DCAF5: variants seen among roughly 807,000 people sequenced by gnomAD.
DCAF5 encodes DDB1- and CUL4-associated factor 5.
DCAF5 carries 9 observed loss-of-function variants against 80.7 expected under a neutral mutation model. The ratio of observed to expected loss-of-function variants is 0.11; its 90% CI spans 0.07 to 0.19. The LOEUF is 0.19. Ranked by LOEUF, DCAF5 falls within the 10% of genes least tolerant of loss-of-function variation. The pLI is 1.00. For synonymous variants in DCAF5, 433 were observed against 461.9 expected, an observed-to-expected ratio of 0.94 and a Z score of 0.80; for missense variants, 842 against 1,205.7, an observed-to-expected ratio of 0.70 and a Z score of 4.47.
chr14:69,131,066 A>G (rs986845970), intron 1 of DCAF5, among the ~76,000 whole-genome samples: 1 of 152,220 alleles, frequency 6.6e-6, no homozygotes, highest in African/African-American at 2.4e-5. Context: ...AGTATCATCC[A>G]TGAACTTGTC....
intron 7 of DCAF5, among the ~76,000 whole-genome samples, chr14:69,068,324 A>G (rs2038543286): frequency 2.6e-5 from 4 of 152,252 alleles, no homozygotes; most frequent in Admixed American, 2.6e-4. Flanking sequence ...GCTTGAAGTT[A>G]AAGTTATCTG....
At chr14:69,056,899 T>A (rs1225505667) in intron 8 of DCAF5, among the ~76,000 whole-genome samples, 2 of 152,198 alleles carry the variant, frequency 1.3e-5, no homozygotes, top group African/African-American at 2.4e-5. Flanking sequence ...GATTCATTCC[T>A]CCTTCAACTT....
At chr14:69,068,989 G>T (rs1337396151) in intron 7 of DCAF5, among the ~76,000 whole-genome samples, 1 of 152,210 alleles carries the variant, frequency 6.6e-6, no homozygotes, top group Non-Finnish European at 1.5e-5. Flanking sequence ...ATGCTTAGTT[G>T]CACAAAAAAG....
Position 69,055,673 on chromosome 14 carries a change from G to A in DCAF5, c.1075-62C>T. ...AACTGGAAAGTATTCTTTCACTGGTGGTGATAAAGAACACCAAGGCAGAAC... is the reference window on the plus strand; with the variant it reads ...AACTGGAAAGTATTCTTTCACTGGTAGTGATAAAGAACACCAAGGCAGAAC... On this transcript the variant is annotated intron_variant, in intron 8 of 8. Transcript: ENST00000341516. The surrounding 1 kb of genome is among the most constrained non-coding windows in gnomAD (Gnocchi z 5.6). 1 of 1,507,670 alleles carries A rather than the reference G, an allele frequency of 6.6e-7. No homozygotes were observed. Among genetic ancestry groups the A allele is most frequent in the South Asian group, 1.3e-5 (1 of 77,520 alleles). The allele number at this position is 1,507,670 out of a possible 1,614,324, so 93.4% of individuals were successfully genotyped here.
chr14:69,097,424 C>T (rs2039760890), intron 5 of DCAF5, among the ~76,000 whole-genome samples: 1 of 152,106 alleles, frequency 6.6e-6, no homozygotes, highest in Admixed American at 6.5e-5. Flanking sequence ...TAATTTTATA[C>T]TGCATCCTCG....
In DCAF5 at chr14:69,084,046, C is replaced by A. The variant is rs539435477; in HGVS notation, c.879+7628G>T. 101 of 780,214 alleles carry A rather than the reference C, an allele frequency of 1.3e-4. No individual in the cohort carries two copies. In the African/African-American group the frequency reaches 1.5e-3, roughly 11 times the overall value. The allele number at this position is 780,214 out of a possible 1,614,324, so 48.3% of individuals were successfully genotyped here. A position where few individuals can be genotyped will look rare whatever the true frequency, so the allele number is the denominator to read the frequency against. Reference sequence around the variant, plus strand: ...GAAGGCAGGGATCTTCTTGCAGCTACAAAAACCGTCAGTGGTAAAACCCCA... The same window carrying A: ...GAAGGCAGGGATCTTCTTGCAGCTAAAAAAACCGTCAGTGGTAAAACCCCA... On this transcript the variant is annotated intron_variant, in intron 6 of 8. Transcript: ENST00000341516.
At chr14:69,082,030 T>C (rs1346028587) in intron 6 of DCAF5, among the ~76,000 whole-genome samples, 1 of 152,226 alleles carries the variant, frequency 6.6e-6, no homozygotes, top group Non-Finnish European at 1.5e-5. Flanking sequence ...GCTATTTAAA[T>C]TTAAATCAAA....
intron 6 of DCAF5, chr14:69,084,554 G>A: frequency 2.6e-6 from 2 of 756,362 alleles, no homozygotes; most frequent in Admixed American, 2.0e-5. Flanking sequence ...TGACGATAAA[G>A]CTAATGCAAC....
chr14:69,063,220 T>C (rs2038296503), intron 7 of DCAF5, among the ~76,000 whole-genome samples: 1 of 152,202 alleles, frequency 6.6e-6, no homozygotes, highest in African/African-American at 2.4e-5. Context: ...AAAGCTGTAT[T>C]TTAAGGATCA....
At chr14:69,094,183 T>C (rs1462280077) in intron 5 of DCAF5, among the ~76,000 whole-genome samples, 2 of 152,166 alleles carry the variant, frequency 1.3e-5, no homozygotes, top group Non-Finnish European at 2.9e-5. Context: ...AGCAGGGGTT[T>C]GCAGCAGCTC....
In DCAF5 at chr14:69,054,544, T is replaced by C; in HGVS notation, c.2142A>G (p.Ile714Met). ...PSSSKEACLNIAMAQRNQDLP... is the reference protein window; with the variant it reads ...PSSSKEACLNMAMAQRNQDLP... ...GGTCCTGGTTCCTCTGGGCCATTGC[T>C]ATGTTTAGACAGGCTTCCTTACTGG... Residue 714 changes from isoleucine (I) to methionine (M), a missense_variant, in exon 9 of 9, where the codon ATA (isoleucine) becomes ATG (methionine). Ile to Met is a conservative substitution (Grantham distance 10). This residue lies in a region of DCAF5 where 607 missense variants were observed against 656.6 expected (regional missense o/e 0.92). Coordinates refer to ENST00000341516, the MANE Select transcript of DCAF5 (RefSeq NM_003861.3). 1 of 1,614,192 alleles carries C rather than the reference T, an allele frequency of 6.2e-7. No homozygotes were observed. The highest frequency in any genetic ancestry group is 8.5e-7 in the Non-Finnish European group (1 of 1,180,024).
chr14:69,095,690 T>C (rs1490120418), intron 5 of DCAF5, among the ~76,000 whole-genome samples: 3 of 152,174 alleles, frequency 2.0e-5, no homozygotes, highest in Non-Finnish European at 2.9e-5. Context: ...CCAGGGAAAG[T>C]GATTGAGCGT....
At chr14:69,085,652 T>G (rs189429688) in intron 6 of DCAF5, among the ~76,000 whole-genome samples, 53 of 152,322 alleles carry the variant, frequency 3.5e-4, no homozygotes, top group Admixed American at 3.3e-3. Context: ...ATATTTTAAT[T>G]TTAAATATCC....
At chr14:69,076,191 T>C (rs919813182) in intron 6 of DCAF5, among the ~76,000 whole-genome samples, 7 of 151,698 alleles carry the variant, frequency 4.6e-5, no homozygotes, top group Non-Finnish European at 1.0e-4. Context: ...CTGGTGGGAA[T>C]GACTAACGAA....
At chr14:69,087,006 C>T (rs1334026150) in intron 6 of DCAF5, among the ~76,000 whole-genome samples, 1 of 152,142 alleles carries the variant, frequency 6.6e-6, no homozygotes, top group African/African-American at 2.4e-5. Flanking sequence ...ACTATTAGAC[C>T]AGGCATCATA....
intron 6 of DCAF5, among the ~76,000 whole-genome samples, chr14:69,088,232 G>T (rs571252258): frequency 1.3e-5 from 2 of 152,156 alleles, no homozygotes; most frequent in Non-Finnish European, 2.9e-5. Flanking sequence ...GTGAAAAGGG[G>T]TCTCTATTGA....
intron 1 of DCAF5, among the ~76,000 whole-genome samples, chr14:69,146,603 A>G (rs1006536187): frequency 2.6e-5 from 4 of 152,208 alleles, no homozygotes; most frequent in Non-Finnish European, 4.4e-5. Context: ...ATCATAAGGT[A>G]GAGGGGATAT....
At chr14:69,085,431 T>C in intron 6 of DCAF5, 1 of 472,832 alleles carries the variant, frequency 2.1e-6, no homozygotes, top group South Asian at 2.0e-5. Context: ...TGTCCTAAAA[T>C]GATTCTTTTC....
rs2037914376 is a variant in DCAF5, at chr14:69,055,196, G to A, written c.1490C>T (p.Thr497Ile). Residue 497 changes from threonine (T) to isoleucine (I), a missense_variant, in exon 9 of 9, where the codon ACT (threonine) becomes ATT (isoleucine). Transcript: ENST00000341516. This position sits in a 1 kb window ranked among gnomAD's most constrained non-coding sequence, Gnocchi z 5.6. ...RVTTTNTVAS[T>I]PPTPTCEDAA... is the part of the protein sequence containing the mutation. Reference sequence around the variant, plus strand: ...ATCCTCACACGTGGGTGTTGGTGGAGTTGAGGCTACTGTGTTTGTGGTGGT... The same window carrying A: ...ATCCTCACACGTGGGTGTTGGTGGAATTGAGGCTACTGTGTTTGTGGTGGT... 1 of 1,614,250 alleles carries A rather than the reference G, an allele frequency of 6.2e-7. No individual in the cohort carries two copies. The highest frequency in any genetic ancestry group is 8.5e-7 in the Non-Finnish European group (1 of 1,180,052).
Sources: gnomAD v4.1 joint callset for allele counts (sites outside exome capture counted in the v4.1 genomes callset) on GRCh38, gnomAD v4.1.1 for gene constraint, gnomAD v4.1.1 regional missense constraint, Gnocchi (gnomAD v3.1) non-coding constraint, MANE v1.5 for transcripts, NCBI Gene and HGNC (gene_info 2026-07-23, HGNC 2026-07-21) for gene names.